ADGRB3: variants seen among roughly 807,000 people sequenced by gnomAD.
The protein encoded by ADGRB3 is brain-specific angiogenesis inhibitor 3.
A neutral mutation model predicts 193.4 loss-of-function variants in ADGRB3; 37 were observed. The observed-to-expected ratio is 0.19, with a 90% confidence interval of 0.15 to 0.25. The LOEUF (loss-of-function observed/expected upper bound fraction) is 0.25. Ranked by LOEUF, ADGRB3 falls within the 10% of genes least tolerant of loss-of-function variation. The pLI, the probability that ADGRB3 is intolerant of heterozygous loss-of-function variation, is 1.00. For missense variants in ADGRB3, 1,637 were observed against 1,852.9 expected (o/e 0.88, Z 2.14); for synonymous variants, 690 against 644.2 (o/e 1.07, Z -1.08).
chr6:68,939,590 A>G (rs1468621175), intron 5 of ADGRB3, among the ~76,000 whole-genome samples: 2 of 152,190 alleles, frequency 1.3e-5, no homozygotes, highest in African/African-American at 4.8e-5. Flanking sequence ...AACTAAAAAT[A>G]TAGAATAAGT....
At chr6:68,786,761 C>T (rs1350407811) in intron 3 of ADGRB3, among the ~76,000 whole-genome samples, 11 of 151,090 alleles carry the variant, frequency 7.3e-5, no homozygotes, top group South Asian at 6.3e-4. Flanking sequence ...GCCATTTTCA[C>T]GATATTGATT....
chr6:68,676,803 G>A (rs1245501243), intron 3 of ADGRB3, among the ~76,000 whole-genome samples: 1 of 152,008 alleles, frequency 6.6e-6, no homozygotes. Flanking sequence ...GACTCATGTG[G>A]CACCTCTAAG....
chr6:68,817,996 A>G (rs1324126646), intron 3 of ADGRB3, among the ~76,000 whole-genome samples: 2 of 151,982 alleles, frequency 1.3e-5, no homozygotes, highest in African/African-American at 4.8e-5. Context: ...TTGTGGTGAA[A>G]TGGGATAGAA....
intron 3 of ADGRB3, among the ~76,000 whole-genome samples, chr6:68,649,540 T>C (rs1768297108): frequency 6.6e-6 from 1 of 152,208 alleles, no homozygotes; most frequent in African/African-American, 2.4e-5. Flanking sequence ...ATACATAATT[T>C]AAACAAATAT....
intron 3 of ADGRB3, among the ~76,000 whole-genome samples, chr6:68,751,743 A>C (rs969848502): frequency 8.5e-5 from 13 of 152,150 alleles, no homozygotes; most frequent in Non-Finnish European, 1.8e-4. Flanking sequence ...ATTGGAATCC[A>C]TTCAGTGCTA....
At chr6:68,849,063 A>G (rs1341457037) in intron 3 of ADGRB3, among the ~76,000 whole-genome samples, 9 of 152,058 alleles carry the variant, frequency 5.9e-5, no homozygotes, top group African/African-American at 1.9e-4. Flanking sequence ...CCAGACTTGG[A>G]TGATGGCTGA....
At chr6:68,881,734 C>G (rs1313623356) in intron 3 of ADGRB3, among the ~76,000 whole-genome samples, 1 of 152,160 alleles carries the variant, frequency 6.6e-6, no homozygotes, top group Non-Finnish European at 1.5e-5. Flanking sequence ...GTAGCTCTGT[C>G]TTTCAATGGC....
intron 3 of ADGRB3, among the ~76,000 whole-genome samples, chr6:68,854,241 A>C (rs1582256741): frequency 6.6e-6 from 1 of 152,200 alleles, no homozygotes; most frequent in Non-Finnish European, 1.5e-5. Flanking sequence ...TAGTTTATCT[A>C]TATTGAGTTT....
intron 3 of ADGRB3, among the ~76,000 whole-genome samples, chr6:68,921,077 A>C (rs1005425731): frequency 6.6e-6 from 1 of 151,884 alleles, no homozygotes; most frequent in Non-Finnish European, 1.5e-5. Flanking sequence ...CTATCAATCC[A>C]AAAAAAATTA....
At chr6:68,810,007 A>G (rs188694383) in intron 3 of ADGRB3, among the ~76,000 whole-genome samples, 3 of 152,284 alleles carry the variant, frequency 2.0e-5, no homozygotes, top group African/African-American at 7.2e-5. Flanking sequence ...GTTCCTGGTA[A>G]TACCATATGT....
chr6:69,137,628 C>T (rs1421107478), intron 17 of ADGRB3, among the ~76,000 whole-genome samples: 1 of 152,024 alleles, frequency 6.6e-6, no homozygotes, highest in East Asian at 1.9e-4. Flanking sequence ...GAAACCCCAT[C>T]TCTACTAAAA....
intron 3 of ADGRB3, among the ~76,000 whole-genome samples, chr6:68,912,703 A>C (rs898105341): frequency 4.6e-5 from 7 of 152,188 alleles, no homozygotes; most frequent in Non-Finnish European, 8.8e-5. Flanking sequence ...TGAACTCATC[A>C]TTTTTTATGG....
intron 17 of ADGRB3, among the ~76,000 whole-genome samples, chr6:69,199,317 C>A (rs1400143249): frequency 6.6e-6 from 1 of 152,054 alleles, no homozygotes; most frequent in Non-Finnish European, 1.5e-5. Context: ...ACTCTATAAG[C>A]AGACTGTTTT....
In ADGRB3 at chr6:69,049,323, A is replaced by T; in HGVS notation, c.2310A>T (p.Leu770Phe). ...FVLGAVLYKN[L>F]DLILPTLRNY... ...TTGGCGCAGTCCTATACAAAAACTT[A>T]GATCTAATTTTGCCCACTTTGAGGT... Residue 770 changes from leucine (L) to phenylalanine (F), a missense_variant, in exon 15 of 32, where the codon TTA (leucine) becomes TTT (phenylalanine). This residue lies in a region of ADGRB3 where 641 missense variants were observed against 673.9 expected (regional missense o/e 0.95). Coordinates refer to ENST00000370598, the MANE Select transcript of ADGRB3 (RefSeq NM_001704.3). The T allele has an allele frequency of 6.2e-7, 1 of 1,608,862 alleles. No homozygotes were observed. The highest frequency in any genetic ancestry group is 8.5e-7 in the Non-Finnish European group (1 of 1,176,946).
At chr6:68,946,648 G>A (rs191504751) in intron 6 of ADGRB3, among the ~76,000 whole-genome samples, 127 of 152,218 alleles carry the variant, frequency 8.3e-4, no homozygotes, top group African/African-American at 3.0e-3. Flanking sequence ...GTGTGGACAA[G>A]AGGAGGACAG....
chr6:68,829,407 T>G (rs1767912186), intron 3 of ADGRB3, among the ~76,000 whole-genome samples: 1 of 152,088 alleles, frequency 6.6e-6, no homozygotes, highest in Non-Finnish European at 1.5e-5. Flanking sequence ...CAGGCATGTT[T>G]AACTAAATAA....
chr6:68,966,864 G>C (rs1218998980), intron 8 of ADGRB3, among the ~76,000 whole-genome samples: 2 of 152,202 alleles, frequency 1.3e-5, no homozygotes, highest in African/African-American at 4.8e-5. Flanking sequence ...GCACTGAGAA[G>C]TACCTAGAAA....
rs554988055 is a variant in ADGRB3, at chr6:68,758,870, T to A, written c.757+119438T>A. On this transcript the variant is annotated intron_variant, in intron 3 of 31. Coordinates refer to ENST00000370598, the MANE Select transcript of ADGRB3 (RefSeq NM_001704.3). ...ATCCTAAAAACTGCTTTAGGATAAC[T>A]ACATTGTTTCATTCCTTTTTGAATT... Among the ~76,000 whole-genome samples, 27 of 152,268 alleles carry A rather than the reference T, an allele frequency of 1.8e-4. No individual in the cohort carries two copies. In the South Asian group the frequency reaches 5.6e-3, roughly 32 times the overall value.
At chr6:69,113,731 GTTAT>G (rs1257742041) in intron 17 of ADGRB3, among the ~76,000 whole-genome samples, 1 of 152,106 alleles carries the variant, frequency 6.6e-6, no homozygotes, top group Non-Finnish European at 1.5e-5. Context: ...CTTCTGGGAA[GTTAT>G]TTATTCAAGG....
Sources: gnomAD v4.1 joint callset for allele counts (sites outside exome capture counted in the v4.1 genomes callset) on GRCh38, gnomAD v4.1.1 for gene constraint, gnomAD v4.1.1 regional missense constraint, MANE v1.5 for transcripts, NCBI Gene and HGNC (gene_info 2026-07-23, HGNC 2026-07-21) for gene names.